Variants in FILIP1L observed in about 807,000 individuals in gnomAD.
The protein encoded by FILIP1L is filamin A-interacting protein 1-like.
A neutral mutation model predicts 96.6 loss-of-function variants in FILIP1L; 55 were observed. The ratio of observed to expected loss-of-function variants is 0.57; its 90% confidence interval spans 0.46 to 0.71. FILIP1L has a LOEUF of 0.71. Ranked by LOEUF, FILIP1L falls within the 30% of genes least tolerant of loss-of-function variation. FILIP1L has a pLI of 0.00. For synonymous variants in FILIP1L, 467 were observed against 473.9 expected, an observed-to-expected ratio of 0.99 and a Z score of 0.19; for missense variants, 1,304 against 1,321.2, an observed-to-expected ratio of 0.99 and a Z score of 0.20.
intron 1 of FILIP1L, among the ~76,000 whole-genome samples, chr3:99,997,948 AAG>A (rs1709730727): frequency 6.6e-6 from 1 of 152,256 alleles, no homozygotes; most frequent in Non-Finnish European, 1.5e-5. Flanking sequence ...ATCAAGAATC[AAG>A]ATCAAGTTGA....
chr3:99,958,224 T>TATC (rs1708393063), intron 1 of FILIP1L, among the ~76,000 whole-genome samples: 1 of 146,548 alleles, frequency 6.8e-6, no homozygotes, highest in Non-Finnish European at 1.5e-5. Context: ...TTATTATTAT[T>TATC]ATTATTATTA....
chr3:99,968,856 A>G (rs1050561120), intron 1 of FILIP1L, among the ~76,000 whole-genome samples: 104 of 152,208 alleles, frequency 6.8e-4, no homozygotes, highest in Non-Finnish European at 1.8e-4. Flanking sequence ...GTAAATGGGT[A>G]GGGTAAGAAA....
chr3:99,979,904 G>A (rs1241279731), intron 1 of FILIP1L, among the ~76,000 whole-genome samples: 1 of 152,200 alleles, frequency 6.6e-6, no homozygotes, highest in Non-Finnish European at 1.5e-5. Context: ...GCGGGACAAA[G>A]TGCTGTGAAG....
intron 1 of FILIP1L, among the ~76,000 whole-genome samples, chr3:100,044,160 C>T (rs1006179850): frequency 6.6e-6 from 1 of 152,292 alleles, no homozygotes; most frequent in African/African-American, 2.4e-5. Context: ...ATCCTGTGAC[C>T]TTGAGCCAGT....
At chr3:100,086,173 C>T (rs754773294) in intron 1 of FILIP1L, among the ~76,000 whole-genome samples, 31 of 152,284 alleles carry the variant, frequency 2.0e-4, no homozygotes, top group Non-Finnish European at 2.1e-4. Context: ...TCCTTTCTGG[C>T]AGTGGTAGAG....
chr3:100,033,888 T>A (rs1273117544), intron 1 of FILIP1L, among the ~76,000 whole-genome samples: 1 of 152,210 alleles, frequency 6.6e-6, no homozygotes, highest in Non-Finnish European at 1.5e-5. Context: ...CAAAAGTGAC[T>A]GTTTTATGTA....
chr3:99,942,784 G>C (rs1707889073), intron 1 of FILIP1L, among the ~76,000 whole-genome samples: 1 of 151,922 alleles, frequency 6.6e-6, no homozygotes, highest in Non-Finnish European at 1.5e-5. Context: ...AGCCGACACA[G>C]TGCCACTGCA....
chr3:99,878,559 G>A (rs1454973538), intron 4 of FILIP1L, among the ~76,000 whole-genome samples: 1 of 152,236 alleles, frequency 6.6e-6, no homozygotes. Flanking sequence ...GTAAAGGAGT[G>A]TTCAGATTTA....
At chr3:99,928,102 T>C (rs1707355079) in intron 3 of FILIP1L, among the ~76,000 whole-genome samples, 1 of 152,212 alleles carries the variant, frequency 6.6e-6, no homozygotes, top group Non-Finnish European at 1.5e-5. Flanking sequence ...AGAATAACTT[T>C]AGCATTCAAG....
chr3:99,998,016 C>A (rs759778628), intron 1 of FILIP1L, among the ~76,000 whole-genome samples: 3 of 152,130 alleles, frequency 2.0e-5, no homozygotes, highest in Non-Finnish European at 4.4e-5. Flanking sequence ...GAGCTAAAAC[C>A]AGTTAACTGG....
intron 4 of FILIP1L, among the ~76,000 whole-genome samples, chr3:99,912,808 T>C (rs1576568067): frequency 6.6e-6 from 1 of 152,340 alleles, no homozygotes; most frequent in East Asian, 1.9e-4. Context: ...AATGCTGCTG[T>C]GAATATTTGT....
chr3:100,056,243 ACT>A (rs1200422331), intron 1 of FILIP1L, among the ~76,000 whole-genome samples: 6 of 151,980 alleles, frequency 3.9e-5, no homozygotes, highest in African/African-American at 7.3e-5. Context: ...ACCAAGTCTG[ACT>A]CTCAGCTCTG....
intron 1 of FILIP1L, among the ~76,000 whole-genome samples, chr3:100,021,085 GCCAGTGTGCTGTA>G (rs1207269237): frequency 9.9e-5 from 15 of 152,256 alleles, no homozygotes; most frequent in African/African-American, 3.6e-4. Context: ...TTTTCTTAGT[GCCAGTGTGCTGTA>G]CTTTTCAAGG....
At chr3:100,020,760 C>CTTTTTT (rs34665880) in intron 1 of FILIP1L, among the ~76,000 whole-genome samples, 34 of 71,016 alleles carry the variant, frequency 4.8e-4, no homozygotes, top group African/African-American at 7.0e-4. Context: ...GAATAATTAG[C>CTTTTTT]TTTTTTTTTT....
intron 1 of FILIP1L, among the ~76,000 whole-genome samples, chr3:99,975,925 TC>T (rs1708956442): frequency 6.6e-6 from 1 of 152,148 alleles, no homozygotes; most frequent in Non-Finnish European, 1.5e-5. Context: ...CGCTCTGTTG[TC>T]CAGGCTGGAG....
At chr3:100,002,508 C>A (rs1709871818) in intron 1 of FILIP1L, among the ~76,000 whole-genome samples, 1 of 152,198 alleles carries the variant, frequency 6.6e-6, no homozygotes, top group African/African-American at 2.4e-5. Context: ...GGTACACACT[C>A]TTCTAGTAAT....
Position 100,083,402 on chromosome 3 carries a change from C to A in FILIP1L, c.-11+30651G>T, listed in dbSNP as rs9841296. Among the ~76,000 whole-genome samples, 762 of 152,312 alleles carry A rather than the reference C, an allele frequency of 5.0e-3. 5 individuals carry two copies. The highest frequency in any genetic ancestry group is 0.017 in the African/African-American group (717 of 41,558). On this transcript the variant is annotated intron_variant, in intron 1 of 5. Transcript: ENST00000477258. ...TTGCAAGACATGAAACTTCCTAGAC[C>A]CAACCCCAGGCCTACTGAATCAGAA...
intron 1 of FILIP1L, among the ~76,000 whole-genome samples, chr3:99,976,409 A>G (rs73859912): frequency 0.015 from 2,245 of 152,304 alleles, 55 homozygotes; most frequent in African/African-American, 0.052. Flanking sequence ...TGTCCAAAAG[A>G]AATTCATAGA....
At chr3:99,958,791 A>G (rs1313562220) in intron 1 of FILIP1L, among the ~76,000 whole-genome samples, 1 of 152,154 alleles carries the variant, frequency 6.6e-6, no homozygotes, top group African/African-American at 2.4e-5. Flanking sequence ...ATGTAGTGGA[A>G]CAGGCAGAGA....
Sources: allele counts gnomAD v4.1 joint callset (sites outside exome capture counted in the v4.1 genomes callset), GRCh38; gene constraint gnomAD v4.1.1; transcripts MANE v1.5; gene names NCBI Gene and HGNC (gene_info 2026-07-23, HGNC 2026-07-21).